PLPP3: variants seen among roughly 807,000 people sequenced by gnomAD.
The protein encoded by PLPP3 is PAP2 beta.
A neutral mutation model predicts 29.6 loss-of-function variants in PLPP3; 6 were observed. The observed-to-expected ratio is 0.20, with a 90% CI of 0.11 to 0.40. The LOEUF (loss-of-function observed/expected upper bound fraction) is 0.40. Ranked by LOEUF, PLPP3 falls within the 10% of genes least tolerant of loss-of-function variation. The pLI, the probability that PLPP3 is intolerant of heterozygous loss-of-function variation, is 1.00. For synonymous variants in PLPP3, 152 were observed against 159.7 expected, an observed-to-expected ratio of 0.95 and a Z score of 0.36; for missense variants, 308 against 407.7, an observed-to-expected ratio of 0.76 and a Z score of 2.11.
intron 2 of PLPP3, among the ~76,000 whole-genome samples, chr1:56,529,032 G>C (rs1420300901): frequency 6.6e-6 from 1 of 151,838 alleles, no homozygotes; most frequent in Non-Finnish European, 1.5e-5. Flanking sequence ...CGCTGAGTCT[G>C]AAGGACAAAC....
intron 4 of PLPP3, among the ~76,000 whole-genome samples, chr1:56,515,628 G>T (rs1265167189): frequency 6.6e-6 from 1 of 152,216 alleles, no homozygotes; most frequent in African/African-American, 2.4e-5. Flanking sequence ...CCTTTGGGAA[G>T]CAGTCAGTCA....
At chr1:56,508,271 G>A (rs1217743430) in intron 5 of PLPP3, among the ~76,000 whole-genome samples, 1 of 152,180 alleles carries the variant, frequency 6.6e-6, no homozygotes, top group East Asian at 1.9e-4. Flanking sequence ...GTGGAGAGAT[G>A]AGAGGAGACC....
Position 56,524,663 on chromosome 1 carries a change from G to C in PLPP3, c.298-109C>G, listed in dbSNP as rs1376155419. On this transcript the variant is annotated intron_variant, in intron 2 of 5. Transcript: ENST00000371250. This position sits in a 1 kb window ranked among gnomAD's most constrained non-coding sequence, Gnocchi z 4.3. ...GAGAATATTCAGTATTTGCAAAGGA[G>C]TGTCCTAATTTTCTATTTATGAAAT... 3.2e-6 allele frequency: 4 copies of C among 1,247,632 alleles called. No individual in the cohort carries two copies. Among genetic ancestry groups the C allele is most frequent in the Non-Finnish European group, 4.4e-6 (4 of 898,998 alleles). 77.3% of individuals were successfully genotyped at this position (1,247,632 alleles called of 1,614,324 possible).
At chr1:56,532,552 T>A (rs903588968) in intron 2 of PLPP3, among the ~76,000 whole-genome samples, 19 of 152,170 alleles carry the variant, frequency 1.2e-4, no homozygotes, top group African/African-American at 4.3e-4. Flanking sequence ...GTCTTGCAGG[T>A]ACTAAGCTCT....
At chr1:56,569,716 T>C (rs1175574491) in intron 1 of PLPP3, among the ~76,000 whole-genome samples, 3 of 152,170 alleles carry the variant, frequency 2.0e-5, no homozygotes, top group African/African-American at 7.2e-5. Context: ...CCTTTCATAA[T>C]CTAGCTCTAA....
chr1:56,529,674 G>A (rs1020004633), intron 2 of PLPP3, among the ~76,000 whole-genome samples: 1 of 152,154 alleles, frequency 6.6e-6, no homozygotes, highest in Non-Finnish European at 1.5e-5. Flanking sequence ...CTGCAATAAA[G>A]TGCAGCGTCT....
At chr1:56,543,196 T>C (rs1034491912) in intron 1 of PLPP3, among the ~76,000 whole-genome samples, 2 of 152,146 alleles carry the variant, frequency 1.3e-5, no homozygotes, top group African/African-American at 4.8e-5. Context: ...CTATTCAAAA[T>C]ATAGACTGAA....
intron 4 of PLPP3, chr1:56,513,253 T>G (rs1049428953): frequency 5.2e-5 from 8 of 152,572 alleles, no homozygotes; most frequent in Non-Finnish European, 8.8e-5. Flanking sequence ...CAACTGGGCA[T>G]TGTCCCCTCA....
intron 1 of PLPP3, among the ~76,000 whole-genome samples, chr1:56,555,299 C>A (rs1646067207): frequency 3.3e-5 from 5 of 151,660 alleles, no homozygotes; most frequent in Admixed American, 2.6e-4. Flanking sequence ...CACATGGACA[C>A]CGTAAGGACC....
intron 4 of PLPP3, among the ~76,000 whole-genome samples, chr1:56,520,491 A>C (rs748811462): frequency 2.6e-5 from 4 of 152,140 alleles, no homozygotes; most frequent in Non-Finnish European, 5.9e-5. Flanking sequence ...GGAGGGTCTA[A>C]GGGCTTCTCG....
chr1:56,536,995 G>A lies in PLPP3; in HGVS notation c.257C>T (p.Ala86Val). The A allele has an allele frequency of 1.2e-6, 2 of 1,613,800 alleles. No homozygotes were observed. ...PLKTGETIND[A>V]VLCAVGIVIA... ...GACGATCCCCACGGCACAGAGCACA[G>A]CGTCATTTATTGTCTCACCAGTTTT... The change falls in exon 2 of 6, where the codon GCT (alanine) becomes GTT (valine). Residue 86 changes from alanine to valine, a missense_variant. By Grantham distance (64) the Ala-to-Val change is moderately conservative. This residue lies in a region of PLPP3 where 232 missense variants were observed against 317.2 expected (regional missense o/e 0.73). Transcript: ENST00000371250.
chr1:56,500,216 A>C (rs2100218574), intron 5 of PLPP3, among the ~76,000 whole-genome samples: 1 of 152,362 alleles, frequency 6.6e-6, no homozygotes, highest in Non-Finnish European at 1.5e-5. Context: ...GAATATATAT[A>C]AGACAGTCTT....
chr1:56,525,911 A>G (rs1285317140), intron 2 of PLPP3, among the ~76,000 whole-genome samples: 2 of 152,154 alleles, frequency 1.3e-5, no homozygotes, highest in East Asian at 3.9e-4. Flanking sequence ...CAAGGGCTCC[A>G]AAGTCTGGGG....
At chr1:56,555,463 A>G (rs1334362144) in intron 1 of PLPP3, among the ~76,000 whole-genome samples, 2 of 140,412 alleles carry the variant, frequency 1.4e-5, no homozygotes, top group Non-Finnish European at 3.2e-5. Context: ...AAAAAAAACA[A>G]AAAACAAACA....
intron 4 of PLPP3, chr1:56,512,370 G>A (rs1273284961): frequency 2.8e-5 from 13 of 469,160 alleles, no homozygotes; most frequent in South Asian, 2.0e-4. Flanking sequence ...CCAGCACTTC[G>A]TGTGGCTGAG....
intron 1 of PLPP3, among the ~76,000 whole-genome samples, chr1:56,543,532 T>C (rs1645983684): frequency 1.3e-5 from 2 of 152,236 alleles, no homozygotes; most frequent in Non-Finnish European, 2.9e-5. Flanking sequence ...ACTTAGAGGT[T>C]CAAAATACAA....
intron 5 of PLPP3, among the ~76,000 whole-genome samples, chr1:56,503,444 T>G (rs917383245): frequency 4.6e-5 from 7 of 152,148 alleles, no homozygotes; most frequent in African/African-American, 1.4e-4. Flanking sequence ...ATCCCAGCAC[T>G]TTGGGAGGCC....
Position 56,496,376 on chromosome 1 carries a change from A to G in PLPP3, c.*175T>C. 1 of 651,422 alleles carries G rather than the reference A, an allele frequency of 1.5e-6. No homozygotes were observed. Among genetic ancestry groups the G allele is most frequent in the Non-Finnish European group, 2.5e-6 (1 of 402,132 alleles). 40.4% of individuals were successfully genotyped at this position (651,422 alleles called of 1,614,324 possible). ...TGTTAGTTTGCTGTTGTTTCCACAT[A>G]GGCAAACACTACCTATTTTGGAAGG... On this transcript the variant is annotated 3_prime_UTR_variant, in exon 6 of 6. Transcript: ENST00000371250.
chr1:56,514,738 G>C (rs767081034), intron 4 of PLPP3, among the ~76,000 whole-genome samples: 1 of 152,088 alleles, frequency 6.6e-6, no homozygotes, highest in Non-Finnish European at 1.5e-5. Flanking sequence ...AAATATTACT[G>C]TAAGCAATGG....
Sources: allele counts gnomAD v4.1 joint callset (sites outside exome capture counted in the v4.1 genomes callset), GRCh38; gene constraint gnomAD v4.1.1; regional missense constraint gnomAD v4.1.1; non-coding constraint Gnocchi (gnomAD v3.1); transcripts MANE v1.5; gene names NCBI Gene and HGNC (gene_info 2026-07-23, HGNC 2026-07-21).